DGKB: variants seen among roughly 807,000 people sequenced by gnomAD.
DGKB encodes the protein 90 kDa diacylglycerol kinase.
In DGKB, 67 loss-of-function variants were observed where a neutral mutation model predicts 114.3. The ratio of observed to expected loss-of-function variants is 0.59; its 90% CI spans 0.48 to 0.72. The LOEUF (loss-of-function observed/expected upper bound fraction) is 0.72. DGKB is among the 30% of genes least tolerant of loss of function. The pLI is 0.00. For synonymous variants in DGKB, 398 were observed against 323.1 expected, an observed-to-expected ratio of 1.23 and a Z score of -2.49; for missense variants, 907 against 975.2, an observed-to-expected ratio of 0.93 and a Z score of 0.93.
intron 23 of DGKB, among the ~76,000 whole-genome samples, chr7:14,303,230 A>G (rs888730211): frequency 2.0e-5 from 3 of 152,162 alleles, no homozygotes; most frequent in African/African-American, 7.2e-5. Flanking sequence ...AGTTTTCGTA[A>G]TGATACAAGT....
At chr7:14,577,851 A>C (rs181337520) in intron 19 of DGKB, among the ~76,000 whole-genome samples, 1 of 152,224 alleles carries the variant, frequency 6.6e-6, no homozygotes. Flanking sequence ...CCTGAATCTT[A>C]AGTGAACCAA....
chr7:14,456,000 C>G (rs954863044), intron 21 of DGKB, among the ~76,000 whole-genome samples: 1 of 151,792 alleles, frequency 6.6e-6, no homozygotes, highest in Non-Finnish European at 1.5e-5. Context: ...ATTTCTAATC[C>G]AAAAATCCAA....
chr7:14,705,334 A>G (rs1826002757), intron 6 of DGKB, among the ~76,000 whole-genome samples: 1 of 148,620 alleles, frequency 6.7e-6, no homozygotes, highest in Admixed American at 6.7e-5. Context: ...GACCAAATCT[A>G]CGTCTGATTG....
chr7:14,462,090 T>C (rs1487321367), intron 21 of DGKB, among the ~76,000 whole-genome samples: 1 of 152,198 alleles, frequency 6.6e-6, no homozygotes, highest in Admixed American at 6.5e-5. Flanking sequence ...AAACTGGGTA[T>C]TGATGGAATG....
chr7:14,291,168 A>G (rs1254874871), intron 23 of DGKB, among the ~76,000 whole-genome samples: 7 of 150,066 alleles, frequency 4.7e-5, no homozygotes, highest in African/African-American at 1.7e-4. Context: ...AAAAAAGAGA[A>G]TGTTAGACTG....
intron 23 of DGKB, among the ~76,000 whole-genome samples, chr7:14,294,328 G>T (rs1177976999): frequency 6.6e-6 from 1 of 152,078 alleles, no homozygotes; most frequent in African/African-American, 2.4e-5. Flanking sequence ...AGATTCTGAA[G>T]ATTAGGATGC....
chr7:14,427,524 T>C (rs1827762151), intron 21 of DGKB, among the ~76,000 whole-genome samples: 1 of 152,148 alleles, frequency 6.6e-6, no homozygotes, highest in Non-Finnish European at 1.5e-5. Flanking sequence ...CTACTGGTAC[T>C]AATTTACTGT....
At chr7:14,401,832 C>G (rs1244271397) in intron 21 of DGKB, among the ~76,000 whole-genome samples, 1 of 151,788 alleles carries the variant, frequency 6.6e-6, no homozygotes, top group African/African-American at 2.4e-5. Context: ...AAGGAAAATA[C>G]TGTCTCACTG....
At position 14,589,591 on chromosome 7, in the gene DGKB, C is replaced by A. The variant is rs189978536; in HGVS notation, c.1434-6454G>T. Among the ~76,000 whole-genome samples the A allele has an allele frequency of 2.0e-5, 3 of 151,980 alleles. No homozygotes were observed. In the East Asian group the frequency reaches 5.8e-4, roughly 29 times the overall value. Reference sequence around the variant, plus strand: ...ATGAGGTTAACAAGTTTCTCTTCTACTCCTATCATAAGAATTTTTACTATA... The same window carrying A: ...ATGAGGTTAACAAGTTTCTCTTCTAATCCTATCATAAGAATTTTTACTATA... On this transcript the variant is annotated intron_variant, in intron 17 of 25. Coordinates refer to ENST00000402815, the MANE Select transcript of DGKB (RefSeq NM_001350709.2).
At chr7:14,655,721 G>A (rs557115656) in intron 13 of DGKB, among the ~76,000 whole-genome samples, 3 of 151,618 alleles carry the variant, frequency 2.0e-5, no homozygotes, top group South Asian at 2.1e-4. Flanking sequence ...GAAATGGGAC[G>A]TTGTCATTTT....
chr7:14,613,277 A>T, intron 16 of DGKB, 63 bp downstream of exon 16: 1 of 947,596 alleles, frequency 1.1e-6, no homozygotes, highest in South Asian at 1.6e-5. Context: ...TTTTTACATC[A>T]TAGTTTTGTC....
intron 25 of DGKB, among the ~76,000 whole-genome samples, chr7:14,169,820 A>G (rs1780582633): frequency 1.3e-5 from 2 of 152,062 alleles, no homozygotes; most frequent in Non-Finnish European, 2.9e-5. Context: ...ATAGAGTTGT[A>G]ATTAATTATT....
At chr7:14,904,753 CTCT>C (rs1181618454), upstream of DGKB, among the ~76,000 whole-genome samples, 1 of 152,104 alleles carries the variant, frequency 6.6e-6, no homozygotes, top group East Asian at 1.9e-4. Context: ...AGCTATTTTT[CTCT>C]TCATTTGTTG....
At position 14,338,591 on chromosome 7, in the gene DGKB, A is replaced by T. The variant is rs1811096214; in HGVS notation, c.2046T>A (p.His682Gln). The change falls in exon 23 of 26, where the codon CAT (histidine) becomes CAA (glutamine). Residue 682 changes from histidine to glutamine, a missense_variant. His to Gln is a conservative substitution (Grantham distance 24, BLOSUM62 0). This residue lies in a region of DGKB where 814 missense variants were observed against 856.6 expected (regional missense o/e 0.95). Transcript: ENST00000402815. The part of the protein sequence containing the change: ...LWGESKKRRS[H>Q]RRIEKKGSDK... Reference sequence around the variant, plus strand: ...CAGACCCTTTTTTCTCTATTCGTCGATGGCTTCGTCTTTTCTTAGACTCTC... The same window carrying T: ...CAGACCCTTTTTTCTCTATTCGTCGTTGGCTTCGTCTTTTCTTAGACTCTC... The T allele has an allele frequency of 1.2e-6, 2 of 1,610,330 alleles. No individual in the cohort carries two copies. The highest frequency in any genetic ancestry group is 1.7e-6 in the Non-Finnish European group (2 of 1,177,964).
intron 1 of DGKB, among the ~76,000 whole-genome samples, chr7:14,893,691 G>T (rs996535937): frequency 6.6e-6 from 1 of 151,268 alleles, no homozygotes; most frequent in African/African-American, 2.4e-5. Flanking sequence ...GAGGATAAAA[G>T]AATAATGATT....
chr7:14,380,949 G>A (rs1819359706), intron 21 of DGKB, among the ~76,000 whole-genome samples: 1 of 152,178 alleles, frequency 6.6e-6, no homozygotes, highest in African/African-American at 2.4e-5. Context: ...CTTTAAAATA[G>A]GAAGATTAAA....
chr7:14,893,970 C>G (rs1042346535), intron 1 of DGKB, among the ~76,000 whole-genome samples: 2 of 150,986 alleles, frequency 1.3e-5, no homozygotes, highest in African/African-American at 4.8e-5. Flanking sequence ...TTTCCAGAAC[C>G]TACTACTCTG....
chr7:14,225,533 T>A (rs1014589599), intron 23 of DGKB, among the ~76,000 whole-genome samples: 1 of 152,066 alleles, frequency 6.6e-6, no homozygotes, highest in African/African-American at 2.4e-5. Context: ...TTTTACTTTT[T>A]AAAAAATCTA....
chr7:14,572,610 G>C (rs1165162193), intron 20 of DGKB, among the ~76,000 whole-genome samples: 1 of 152,068 alleles, frequency 6.6e-6, no homozygotes, highest in Non-Finnish European at 1.5e-5. Flanking sequence ...AAAATCCTAA[G>C]AGACTTAAGA....
Sources: gnomAD v4.1 joint callset for allele counts (sites outside exome capture counted in the v4.1 genomes callset) on GRCh38, gnomAD v4.1.1 for gene constraint, gnomAD v4.1.1 regional missense constraint, MANE v1.5 for transcripts, NCBI Gene and HGNC (gene_info 2026-07-23, HGNC 2026-07-21) for gene names.